OR11H4: variants seen among roughly 807,000 people sequenced by gnomAD.
The protein encoded by OR11H4 is olfactory receptor 11H4.
For synonymous variants in OR11H4, 162 were observed against 142.3 expected, an observed-to-expected ratio of 1.14 and a Z score of -0.98; for missense variants, 460 against 371.1, an observed-to-expected ratio of 1.24 and a Z score of -1.97.
chr14:20,242,608 C>T, intron 1 of OR11H4: 1 of 607,200 alleles, frequency 1.6e-6, no homozygotes, highest in East Asian at 2.8e-5. Flanking sequence ...CATTGGATTG[C>T]ATTGGATTCT....
At position 20,243,076 on chromosome 14, in the gene OR11H4, T is replaced by G. The variant is rs772799195; in HGVS notation, c.255T>G (p.Ile85Met). ...SSTIPNMLVNILSKTKAISFS... is the reference protein window; with the variant it reads ...SSTIPNMLVNMLSKTKAISFS... ...CTATTCCTAACATGCTAGTCAACAT[T>G]CTCTCCAAGACCAAGGCCATCTCAT... The change falls in exon 2 of 2, where the codon ATT (isoleucine) becomes ATG (methionine). Residue 85 changes from isoleucine to methionine, a missense_variant. Ile to Met is a conservative substitution (Grantham distance 10). Coordinates refer to ENST00000641082, the MANE Select transcript of OR11H4 (RefSeq NM_001004479.2). 1 of 1,614,180 alleles carries G rather than the reference T, an allele frequency of 6.2e-7. No homozygotes were observed. The highest frequency in any genetic ancestry group is 1.1e-5 in the South Asian group (1 of 91,086).
rs139794108 is a variant in OR11H4, at chr14:20,243,367, C to T, written c.546C>T (p.Asp182=). The T allele has an allele frequency of 1.2e-6, 2 of 1,614,012 alleles. No homozygotes were observed. Among genetic ancestry groups the T allele is most frequent in the African/African-American group, 2.7e-5 (2 of 75,026 alleles). The change falls in exon 2 of 2, where the codon GAC becomes GAT. Residue 182 remains aspartate, a synonymous_variant. Coordinates refer to ENST00000641082, the MANE Select transcript of OR11H4 (RefSeq NM_001004479.2). ...TTGATCACTTCCTGTGTGACATGGA[C>T]CCATTGATGGCTCTATCCTGTGCCC... ...NIIDHFLCDM[D]PLMALSCAPA... is the part of the protein sequence containing the mutation.
intron 1 of OR11H4, 156 bp from the exon 2 acceptor site, chr14:20,242,655 T>C (rs1880960255): frequency 2.6e-6 from 2 of 771,640 alleles, no homozygotes; most frequent in Admixed American, 2.7e-5. Flanking sequence ...CAATTCAAAA[T>C]TTGGTAGGAC....
chr14:20,243,458 T>A lies in OR11H4; in HGVS notation c.637T>A (p.Tyr213Asn). ...CCTTGTCCTCTTTTTCACTAGTATG[T>A]ACATTCTTCGATCCTATATCCTGTT... ...SSLVLFFTSM[Y>N]ILRSYILLLT... is the part of the protein sequence containing the mutation. The change falls in exon 2 of 2, where the codon TAC becomes AAC. Residue 213 changes from tyrosine to asparagine, a missense_variant. By Grantham distance (143) the Tyr-to-Asn change is moderately radical. Transcript: ENST00000641082. The A allele has an allele frequency of 6.2e-7, 1 of 1,613,898 alleles. No individual in the cohort carries two copies. Among genetic ancestry groups the A allele is most frequent in the South Asian group, 1.1e-5 (1 of 91,044 alleles).
intron 1 of OR11H4, among the ~76,000 whole-genome samples, chr14:20,240,949 A>G (rs1411683060): frequency 2.0e-5 from 3 of 152,262 alleles, no homozygotes; most frequent in South Asian, 4.1e-4. Context: ...TGTTGTTTAA[A>G]CACATTTGTG....
At chr14:20,242,122 A>G (rs952640936) in intron 1 of OR11H4, among the ~76,000 whole-genome samples, 15 of 152,026 alleles carry the variant, frequency 9.9e-5, no homozygotes, top group Non-Finnish European at 1.6e-4. Context: ...AATCCACGTC[A>G]GCACAGACCC....
chr14:20,242,746 C>T (rs777419346), intron 1 of OR11H4, 65 bp from the exon 2 acceptor site: 43 of 1,555,956 alleles, frequency 2.8e-5, no homozygotes, highest in Admixed American at 3.7e-5. Context: ...CCTTGAGATA[C>T]GTAGCAAGCA....
chr14:20,243,244 T>C lies in OR11H4; in HGVS notation c.423T>C (p.Cys141=). Residue 141 remains cysteine, a synonymous_variant, in exon 2 of 2, where the codon TGT becomes TGC. Transcript: ENST00000641082. The stretch of plus-strand genomic sequence containing the variant: ...CTGCCATCATGACTGTAAGGTTCTG[T>C]GGTAAGCTGGTGTCTTTCTGTTGGC... ...QYPAIMTVRF[C]GKLVSFCWLI... The C allele has an allele frequency of 1.2e-6, 2 of 1,614,212 alleles. No individual in the cohort carries two copies. The highest frequency in any genetic ancestry group is 1.7e-6 in the Non-Finnish European group (2 of 1,180,038).
chr14:20,239,580 G>C (rs112441565), intron 1 of OR11H4, among the ~76,000 whole-genome samples: 11,856 of 152,016 alleles, frequency 0.078, 606 homozygotes, highest in Non-Finnish European at 0.11. Context: ...TATAGTCCCA[G>C]CTACTCAGGA....
chr14:20,239,888 C>G (rs951708314), intron 1 of OR11H4, among the ~76,000 whole-genome samples: 1 of 152,076 alleles, frequency 6.6e-6, no homozygotes, highest in Non-Finnish European at 1.5e-5. Context: ...TTTGTGGAAA[C>G]AGTTTATTCC....
chr14:20,241,870 C>T (rs577280042), intron 1 of OR11H4, among the ~76,000 whole-genome samples: 185 of 152,106 alleles, frequency 1.2e-3, no homozygotes, highest in Non-Finnish European at 2.2e-3. Context: ...GGTACTATGC[C>T]TGGATGTGCA....
Position 20,242,827 on chromosome 14 carries a change from C to G in OR11H4, c.6C>G (p.Asn2Lys). 6.2e-7 allele frequency: 1 copy of G among 1,613,868 alleles called. No homozygotes were observed. The highest frequency in any genetic ancestry group is 2.2e-5 in the East Asian group (1 of 44,886). Residue 2 changes from asparagine (N) to lysine (K), a missense_variant, in exon 2 of 2, where the codon AAC (asparagine) becomes AAG (lysine). By Grantham distance (94) the Asn-to-Lys change is moderately conservative. Coordinates refer to ENST00000641082, the MANE Select transcript of OR11H4 (RefSeq NM_001004479.2). ...TCTTTGTAGACTTAAGACCCATGAA[C>G]AGGTCAGCAACACACATCGTGACAG... M[N>K]RSATHIVTEF...
In OR11H4 at chr14:20,243,940, G is replaced by T. The variant is rs1267629503; in HGVS notation, c.*174G>T. The T allele has an allele frequency of 3.9e-6, 2 of 518,550 alleles. No individual in the cohort carries two copies. Among genetic ancestry groups the T allele is most frequent in the African/African-American group, 1.9e-5 (1 of 51,558 alleles). 32.1% of individuals were successfully genotyped at this position (518,550 alleles called of 1,614,324 possible). ...CTGACTCTTTAAACCTTAATTAACT[G>T]GTCTTCAACATCCACTTAAAAGTTT... is the stretch of plus-strand genomic sequence containing the variant. On this transcript the variant is annotated 3_prime_UTR_variant, in exon 2 of 2. Coordinates refer to ENST00000641082, the MANE Select transcript of OR11H4 (RefSeq NM_001004479.2).
chr14:20,242,696 G>A (rs1316190511), intron 1 of OR11H4, 115 bp from the exon 2 acceptor site: 1 of 1,190,640 alleles, frequency 8.4e-7, no homozygotes, highest in African/African-American at 1.5e-5. Context: ...ATTATCTCAT[G>A]TATTTTCCTG....
Position 20,243,502 on chromosome 14 carries a change from G to T in OR11H4, c.681G>T (p.Gln227His), listed in dbSNP as rs144975765. ...TCCTGTTACTAACAGCTGTTTTTCA[G>T]GTCCCTTCTGCAGCTGGTCGGAGAA... ...SYILLLTAVF[Q>H]VPSAAGRRKA... The change falls in exon 2 of 2, where the codon CAG becomes CAT. Residue 227 changes from glutamine to histidine, a missense_variant. By Grantham distance (24) the Gln-to-His change is conservative. Coordinates refer to ENST00000641082, the MANE Select transcript of OR11H4 (RefSeq NM_001004479.2). 1.5e-5 allele frequency: 25 copies of T among 1,613,672 alleles called. No homozygotes were observed. In the African/African-American group the frequency reaches 3.2e-4, roughly 21 times the overall value.
rs1056922704 is a variant in OR11H4 at position 20,244,194 on chromosome 14, C to T, written c.*428C>T. ...GGCCTCAGACATGTTTTTTAAATAT[C>T]TCTATCTCAATTTTTTTTACTTACA... On this transcript the variant is annotated 3_prime_UTR_variant, in exon 2 of 2. Coordinates refer to ENST00000641082, the MANE Select transcript of OR11H4 (RefSeq NM_001004479.2). 1 of 153,840 alleles carries T rather than the reference C, an allele frequency of 6.5e-6. No individual in the cohort carries two copies. The highest frequency in any genetic ancestry group is 1.4e-5 in the Non-Finnish European group (1 of 69,278). The allele number at this position is 153,840 out of a possible 1,614,324, so 9.5% of individuals were successfully genotyped here.
At chr14:20,241,606 G>A (rs1224758211) in intron 1 of OR11H4, among the ~76,000 whole-genome samples, 1 of 152,168 alleles carries the variant, frequency 6.6e-6, no homozygotes, top group Non-Finnish European at 1.5e-5. Flanking sequence ...GGTCTGGTAG[G>A]ACGAGAGACT....
chr14:20,239,625 T>G (rs918931584), intron 1 of OR11H4, among the ~76,000 whole-genome samples: 1 of 149,910 alleles, frequency 6.7e-6, no homozygotes, highest in South Asian at 2.1e-4. Flanking sequence ...ACCCGGGAGG[T>G]GGAGCTTGCA....
At chr14:20,241,569 T>C (rs1347964970) in intron 1 of OR11H4, among the ~76,000 whole-genome samples, 2 of 152,164 alleles carry the variant, frequency 1.3e-5, no homozygotes, top group African/African-American at 4.8e-5. Flanking sequence ...AGAGGTGGCC[T>C]GCCCCTCCAC....
Sources: allele counts gnomAD v4.1 joint callset (sites outside exome capture counted in the v4.1 genomes callset), GRCh38; gene constraint gnomAD v4.1.1; transcripts MANE v1.5; gene names NCBI Gene and HGNC (gene_info 2026-07-23, HGNC 2026-07-21).